PDGFRB: variants seen among roughly 807,000 people sequenced by gnomAD.
PDGFRB encodes the protein platelet-derived growth factor receptor beta.
A neutral mutation model predicts 120.2 loss-of-function variants in PDGFRB; 42 were observed. The ratio of observed to expected loss-of-function variants is 0.35; its 90% CI spans 0.27 to 0.45. PDGFRB has a LOEUF of 0.45. PDGFRB is among the 20% of genes least tolerant of loss of function. The pLI is 1.00. For synonymous variants in PDGFRB, 586 were observed against 606.8 expected, an observed-to-expected ratio of 0.97 and a Z score of 0.50; for missense variants, 1,149 against 1,476.3, an observed-to-expected ratio of 0.78 and a Z score of 3.63.
At chr5:150,143,532 G>T (rs1760836909) in intron 1 of PDGFRB, among the ~76,000 whole-genome samples, 1 of 152,182 alleles carries the variant, frequency 6.6e-6, no homozygotes, top group African/African-American at 2.4e-5. Flanking sequence ...AGTCTGTGGG[G>T]GCAAGAGGCA....
intron 1 of PDGFRB, among the ~76,000 whole-genome samples, chr5:150,152,180 T>A (rs12520734): frequency 0.15 from 23,088 of 152,090 alleles, 2,239 homozygotes; most frequent in Middle Eastern, 0.28. Flanking sequence ...GTGCTGGGAT[T>A]ACATGTGTGA....
At chr5:150,118,915 GGGA>G in intron 20 of PDGFRB, 63 bp from the exon 21 acceptor site, 1 of 955,830 alleles carries the variant, frequency 1.0e-6, no homozygotes, top group Non-Finnish European at 1.6e-6. Context: ...GCAGGGCTGG[GGGA>G]GCAGGAGGCT....
intron 1 of PDGFRB, 53 bp downstream of exon 1, chr5:150,155,344 A>G: frequency 5.1e-6 from 1 of 194,848 alleles, no homozygotes; most frequent in Non-Finnish European, 9.0e-6. Context: ...GATGCAGGTT[A>G]GGGCAAAGGG....
rs56899708 is a variant in PDGFRB at position 150,127,833 on chromosome 5, TAAAAAAAAAAAA to T, written c.1580-1231_1580-1220del. The stretch of plus-strand genomic sequence containing the variant: ...TGGGCAACAGAGCCAGACTCCATCT[TAAAAAAAAAAAA>T]AAAAAAAAAAAAAACTTTGGATGCT... On this transcript the variant is annotated intron_variant, in intron 10 of 22. Transcript: ENST00000261799. Among the ~76,000 whole-genome samples, 6 of 62,432 alleles carry T rather than the reference TAAAAAAAAAAAA, an allele frequency of 9.6e-5. 1 individual carries two copies. Among genetic ancestry groups the T allele is most frequent in the Admixed American group, 1.9e-4 (1 of 5,162 alleles). 41.0% of individuals were successfully genotyped at this position (62,432 alleles called of 152,430 possible). A position where few individuals can be genotyped will look rare whatever the true frequency, so the allele number is the denominator to read the frequency against.
chr5:150,126,860 C>T (rs570185162), intron 10 of PDGFRB, among the ~76,000 whole-genome samples: 1 of 152,366 alleles, frequency 6.6e-6, no homozygotes, highest in African/African-American at 2.4e-5. Flanking sequence ...CACGTCCCTT[C>T]AGCCCTGCCA....
Position 150,121,585 on chromosome 5 carries a change from C to G in PDGFRB, c.2345-263G>C, listed in dbSNP as rs1760135821. On this transcript the variant is annotated intron_variant, in intron 16 of 22. Transcript: ENST00000261799. This position sits in a 1 kb window ranked among gnomAD's most constrained non-coding sequence, Gnocchi z 4.1. Reference sequence around the variant, plus strand: ...TGCCTGCCTCTCAGGGACACTAGACCAGCCTGGGGCTGAAGCTGAGTAGAT... The same window carrying G: ...TGCCTGCCTCTCAGGGACACTAGACGAGCCTGGGGCTGAAGCTGAGTAGAT... 1.3e-5 allele frequency among the ~76,000 whole-genome samples: 2 copies of G among 152,236 alleles called. No individual in the cohort carries two copies. The highest frequency in any genetic ancestry group is 1.3e-4 in the Admixed American group (2 of 15,290).
chr5:150,148,824 A>G (rs1158449467), intron 1 of PDGFRB, among the ~76,000 whole-genome samples: 1 of 152,208 alleles, frequency 6.6e-6, no homozygotes, highest in African/African-American at 2.4e-5. Context: ...GGTGGCCTTG[A>G]GCTAGGCCTC....
intron 15 of PDGFRB, among the ~76,000 whole-genome samples, chr5:150,122,560 C>T (rs562956971): frequency 6.6e-6 from 1 of 152,234 alleles, no homozygotes; most frequent in Admixed American, 6.5e-5. Flanking sequence ...AGGTCTTTTA[C>T]GCTTTTCTGA....
chr5:150,121,946 CTCCTT>C lies in PDGFRB; in HGVS notation c.2273_2277del (p.Lys758ArgfsTer18). ...GACTCGATGTCTGCATATTTGACGT[CTCCTT>C]TCATGTCCAGCATGGGCACATAGTC... On this transcript the variant is annotated frameshift_variant, in exon 16 of 23. Coordinates refer to ENST00000261799, the MANE Select transcript of PDGFRB (RefSeq NM_002609.4). LOFTEE classifies it high-confidence loss of function. The surrounding 1 kb of genome is among the most constrained non-coding windows in gnomAD (Gnocchi z 4.1). 6.2e-7 allele frequency: 1 copy of C among 1,613,656 alleles called. No individual in the cohort carries two copies. Among genetic ancestry groups the C allele is most frequent in the Non-Finnish European group, 8.5e-7 (1 of 1,179,538 alleles).
rs1298683594 is a variant in PDGFRB at position 150,132,839 on chromosome 5, G to C, written c.1038C>G (p.Pro346=). The stretch of plus-strand genomic sequence containing the variant: ...GGTTGTCTTTGAACCACAGGACAGT[G>C]GGCGGTGGGTAGGCCTCGAACACTA... ...LQVVFEAYPP[P]TVLWFKDNRT... Residue 346 remains proline (P), a synonymous_variant, in exon 7 of 23, where the codon CCC becomes CCG. Coordinates refer to ENST00000261799, the MANE Select transcript of PDGFRB (RefSeq NM_002609.4). The surrounding 1 kb of genome is among the most constrained non-coding windows in gnomAD (Gnocchi z 5.0). 1.2e-6 allele frequency: 2 copies of C among 1,610,994 alleles called. No homozygotes were observed. Among genetic ancestry groups the C allele is most frequent in the Non-Finnish European group, 1.7e-6 (2 of 1,178,842 alleles).
chr5:150,145,644 C>T (rs1760900843), intron 1 of PDGFRB, among the ~76,000 whole-genome samples: 1 of 152,172 alleles, frequency 6.6e-6, no homozygotes, highest in Admixed American at 6.5e-5. Context: ...AGCCCAATGC[C>T]CATGAGACAG....
Position 150,133,959 on chromosome 5 carries a change from C to T in PDGFRB, c.681G>A (p.Gln227=), listed in dbSNP as rs777668231. The T allele has an allele frequency of 1.9e-6, 3 of 1,613,964 alleles. No homozygotes were observed. The highest frequency in any genetic ancestry group is 1.7e-5 in the Admixed American group (1 of 60,034). ...TGCACATGAGGGTGATGTTCTCACC[C>T]TGGCGGACCACAGTCTGCACTGCGT... The part of the protein sequence containing the change: ...SVNAVQTVVR[Q]GENITLMCIV... The change falls in exon 5 of 23, where the codon CAG becomes CAA. Residue 227 remains glutamine, a synonymous_variant. Coordinates refer to ENST00000261799, the MANE Select transcript of PDGFRB (RefSeq NM_002609.4).
Position 150,115,815 on chromosome 5 carries a change from G to A in PDGFRB, c.3269C>T (p.Pro1090Leu), listed in dbSNP as rs760205038. 2.2e-5 allele frequency: 35 copies of A among 1,612,442 alleles called. 1 individual carries two copies. Among genetic ancestry groups the A allele is most frequent in the Non-Finnish European group, 2.5e-5 (30 of 1,179,306 alleles). The change falls in exon 23 of 23, where the codon CCG becomes CTG. Residue 1090 changes from proline (P) to leucine (L), a missense_variant. Physicochemically the swap from Pro to Leu is moderately conservative, Grantham distance 98. Coordinates refer to ENST00000261799, the MANE Select transcript of PDGFRB (RefSeq NM_002609.4). ...CCGAGGCGCAGGGCACCCCGAATCC[G>A]GCAACTGTTCCAGCTCTGGCTCCGG... ...VEPEPELEQLPDSGCPAPRAE... is the reference protein window; with the variant it reads ...VEPEPELEQLLDSGCPAPRAE...
rs1056297350 is a variant in PDGFRB at position 150,114,324 on chromosome 5, G to A, written c.*1439C>T. On this transcript the variant is annotated 3_prime_UTR_variant, in exon 23 of 23. Coordinates refer to ENST00000261799, the MANE Select transcript of PDGFRB (RefSeq NM_002609.4). ...AGCGCCCACCTCTCACATCCTTCTT[G>A]GGGTACCCATCTGAAGCTTCTTGTC... The A allele has an allele frequency of 1.1e-4, 25 of 233,186 alleles. No homozygotes were observed. The Admixed American group carries it at 1.4e-3, about 13-fold the overall frequency. 14.4% of individuals were successfully genotyped at this position (233,186 alleles called of 1,614,324 possible). A position where few individuals can be genotyped will look rare whatever the true frequency, so the allele number is the denominator to read the frequency against.
chr5:150,139,763 C>T (rs896823146), intron 1 of PDGFRB, among the ~76,000 whole-genome samples: 4 of 152,166 alleles, frequency 2.6e-5, no homozygotes, highest in African/African-American at 4.8e-5. Flanking sequence ...AGGCGGATCA[C>T]GAGGTTGAGA....
chr5:150,130,739 G>C, intron 8 of PDGFRB, 77 bp from the exon 9 acceptor site: 1 of 1,316,414 alleles, frequency 7.6e-7, no homozygotes, highest in South Asian at 1.3e-5. Flanking sequence ...GGGAGGACCT[G>C]GCCCAGAGAC....
intron 21 of PDGFRB, among the ~76,000 whole-genome samples, 175 bp downstream of exon 21, chr5:150,118,572 A>T (rs1760037200): frequency 6.6e-6 from 1 of 152,174 alleles, no homozygotes; most frequent in Non-Finnish European, 1.5e-5. Flanking sequence ...CTCTGCTGCT[A>T]AAATAAACTC....
intron 10 of PDGFRB, among the ~76,000 whole-genome samples, 158 bp downstream of exon 10, chr5:150,129,599 T>C (rs942810538): frequency 1.3e-5 from 2 of 152,254 alleles, no homozygotes; most frequent in Non-Finnish European, 2.9e-5. Context: ...CCAGAATGTG[T>C]TCCTATGCAT....
intron 6 of PDGFRB, 80 bp downstream of exon 6, chr5:150,133,506 A>G (rs542925926): frequency 8.4e-7 from 1 of 1,196,528 alleles, no homozygotes; most frequent in East Asian, 2.3e-5. Context: ...AACTCTCACC[A>G]TCACTCTGCA....
Sources: allele counts gnomAD v4.1 joint callset (sites outside exome capture counted in the v4.1 genomes callset), GRCh38; gene constraint gnomAD v4.1.1; non-coding constraint Gnocchi (gnomAD v3.1); transcripts MANE v1.5; gene names NCBI Gene and HGNC (gene_info 2026-07-23, HGNC 2026-07-21).